ABCG5: variants seen among roughly 807,000 people sequenced by gnomAD.
ABCG5 encodes ATP-binding cassette sub-family G member 5.
ABCG5 carries 64 observed loss-of-function variants against 64.5 expected under a neutral mutation model. The ratio of observed to expected loss-of-function variants is 0.99; its 90% CI spans 0.81 to 1.22. The LOEUF (loss-of-function observed/expected upper bound fraction) is 1.22, where lower values mean the gene tolerates loss of function less well. Among genes scored for constraint, ABCG5 ranks in the 50% most tolerant of loss-of-function variants. ABCG5 has a pLI of 0.00. For missense variants in ABCG5, 908 were observed against 829.5 expected, an observed-to-expected ratio of 1.09 and a Z score of -1.16; for synonymous variants, 385 against 326.3, an observed-to-expected ratio of 1.18 and a Z score of -1.94.
chr2:43,825,162 A>T (rs1230376264), intron 6 of ABCG5, 144 bp from the exon 7 acceptor site: 2 of 991,136 alleles, frequency 2.0e-6, no homozygotes, highest in South Asian at 2.8e-5. Flanking sequence ...TCCCATAAGC[A>T]GTCAGTCCTT....
chr2:43,810,007 C>T, downstream of ABCG5: 1 of 1,126,288 alleles, frequency 8.9e-7, no homozygotes, highest in Non-Finnish European at 1.1e-6. Flanking sequence ...CTACCTACCT[C>T]TAACATGTTT....
rs752658278 is a variant in ABCG5 at position 43,824,165 on chromosome 2, G to T, written c.1119-47C>A. 4 of 1,613,934 alleles carry T rather than the reference G, an allele frequency of 2.5e-6. No homozygotes were observed. In the South Asian group the frequency reaches 3.3e-5, roughly 13 times the overall value. ...TTAATTCCTTTTCAGAATTGTTATT[G>T]GGGGATGGCTAAAGACCTCTAACAG... is the stretch of plus-strand genomic sequence containing the variant. On this transcript the variant is annotated intron_variant, in intron 8 of 12. Coordinates refer to ENST00000405322, the MANE Select transcript of ABCG5 (RefSeq NM_022436.3).
At chr2:43,809,848 T>C, downstream of ABCG5, 1 of 1,514,432 alleles carries the variant, frequency 6.6e-7, no homozygotes, top group Non-Finnish European at 8.8e-7. Context: ...ATTGTGGCAA[T>C]ATGTGAAGAA....
At position 43,825,036 on chromosome 2, in the gene ABCG5, GTAGT is replaced by G. The variant is rs1667506700; in HGVS notation, c.775-22_775-19del. The G allele has an allele frequency of 1.2e-6, 2 of 1,612,630 alleles. No homozygotes were observed. The highest frequency in any genetic ancestry group is 1.3e-5 in the African/African-American group (1 of 74,902). On this transcript the variant is annotated intron_variant, in intron 6 of 12. Coordinates refer to ENST00000405322, the MANE Select transcript of ABCG5 (RefSeq NM_022436.3). ...TCAAAGAGCTGACCAGACAACAGAC[GTAGT>G]TAGTGTGTGATCACAAGGGTAGCGA...
chr2:43,807,763 AAAAAAAAAAAG>A (rs1241491510), downstream of ABCG5, among the ~76,000 whole-genome samples: 11 of 151,258 alleles, frequency 7.3e-5, no homozygotes, highest in Non-Finnish European at 1.6e-4. Flanking sequence ...AAAAAAAAAA[AAAAAAAAAAAG>A]GTTACAGTTA....
chr2:43,824,378 T>G lies in ABCG5; in HGVS notation c.959A>C (p.Lys320Thr). 1 of 1,614,194 alleles carries G rather than the reference T, an allele frequency of 6.2e-7. No individual in the cohort carries two copies. The highest frequency in any genetic ancestry group is 1.1e-5 in the South Asian group (1 of 91,080). ...GGCAGATTCTATCATCTGGACTCTC[T>G]TGGAGGTTTCTATTTCCCGTTCCTT... Reference protein sequence around the residue: ...QSKEREIETSKRVQMIESAYK... With the variant: ...QSKEREIETSTRVQMIESAYK... The change falls in exon 8 of 13, where the codon AAG becomes ACG. Residue 320 changes from lysine (K) to threonine (T), a missense_variant. Transcript: ENST00000405322.
intron 10 of ABCG5, chr2:43,822,483 C>CCA: frequency 2.2e-6 from 2 of 906,682 alleles, no homozygotes; most frequent in Non-Finnish European, 1.3e-6. Context: ...CCCAGGCCCC[C>CCA]CCCCATGCAC....
At chr2:43,829,748 C>T (rs1203684060) in intron 4 of ABCG5, among the ~76,000 whole-genome samples, 3 of 151,988 alleles carry the variant, frequency 2.0e-5, no homozygotes, top group South Asian at 2.1e-4. Flanking sequence ...CTAATAAGGC[C>T]GTGTTATGAA....
intron 2 of ABCG5, among the ~76,000 whole-genome samples, chr2:43,834,572 A>T (rs187721996): frequency 6.0e-4 from 91 of 152,350 alleles, no homozygotes; most frequent in Middle Eastern, 3.4e-3. Context: ...TAACTCATTA[A>T]TGAGGGAACC....
downstream of ABCG5, chr2:43,809,729 T>C (rs1572729075): frequency 6.2e-7 from 1 of 1,612,068 alleles, no homozygotes; most frequent in Non-Finnish European, 8.5e-7. Flanking sequence ...CAAAAGAAGT[T>C]CTTCCAAGTC....
chr2:43,820,417 A>G (rs1435175428), intron 10 of ABCG5, among the ~76,000 whole-genome samples: 1 of 152,196 alleles, frequency 6.6e-6, no homozygotes, highest in Non-Finnish European at 1.5e-5. Flanking sequence ...GTTGAACTCT[A>G]CAGGCATCTT....
At chr2:43,825,469 GT>G (rs1016393679) in intron 6 of ABCG5, among the ~76,000 whole-genome samples, 1 of 152,136 alleles carries the variant, frequency 6.6e-6, no homozygotes, top group Admixed American at 6.5e-5. Flanking sequence ...GAGAAAGTGA[GT>G]TTTTTTGGAA....
chr2:43,806,718 G>A, the ABCG5 span, among the ~76,000 whole-genome samples: 3 of 152,210 alleles, frequency 2.0e-5, no homozygotes, highest in Non-Finnish European at 4.4e-5. Flanking sequence ...TAAAGGATTA[G>A]GGTATTTGTG....
At chr2:43,832,147 G>A in intron 2 of ABCG5, 64 bp from the exon 3 acceptor site, 1 of 1,550,648 alleles carries the variant, frequency 6.4e-7, no homozygotes, top group Non-Finnish European at 8.7e-7. Flanking sequence ...GGAGCTTCCC[G>A]AGACCCTCTG....
downstream of ABCG5, chr2:43,809,591 A>G (rs964723440): frequency 2.8e-6 from 2 of 705,564 alleles, no homozygotes; most frequent in Non-Finnish European, 4.9e-6. Flanking sequence ...ATTTAGAATG[A>G]TAATGCTACT....
downstream of ABCG5, among the ~76,000 whole-genome samples, chr2:43,808,736 A>G (rs1244925632): frequency 1.3e-5 from 2 of 152,168 alleles, no homozygotes; most frequent in African/African-American, 2.4e-5. Flanking sequence ...TGCTTTTTTC[A>G]TGTGGCACAC....
At chr2:43,829,097 C>T (rs1169524626) in intron 4 of ABCG5, among the ~76,000 whole-genome samples, 1 of 152,202 alleles carries the variant, frequency 6.6e-6, no homozygotes, top group Admixed American at 6.5e-5. Flanking sequence ...TTTGCAGGAG[C>T]CATAGTCACT....
chr2:43,835,878 C>T lies in ABCG5; in HGVS notation c.265+1956G>A, dbSNP rs371159674. ...GAAAAAAATTTCTGCTTTTTATAAG[C>T]CACCCAGTCTATGGTATTTTGTTGT... On this transcript the variant is annotated intron_variant, in intron 2 of 12. Coordinates refer to ENST00000405322, the MANE Select transcript of ABCG5 (RefSeq NM_022436.3). Among the ~76,000 whole-genome samples the T allele has an allele frequency of 3.6e-4, 55 of 152,220 alleles. No homozygotes were observed. The South Asian group carries it at 0.011, about 31-fold the overall frequency.
intron 4 of ABCG5, among the ~76,000 whole-genome samples, chr2:43,831,371 CT>C (rs1667937311): frequency 6.6e-6 from 1 of 152,176 alleles, no homozygotes; most frequent in East Asian, 1.9e-4. Flanking sequence ...CTGAGTCTCG[CT>C]ATGTTGCCCA....
Sources: gnomAD v4.1 joint callset for allele counts (sites outside exome capture counted in the v4.1 genomes callset) on GRCh38, gnomAD v4.1.1 for gene constraint, MANE v1.5 for transcripts, NCBI Gene and HGNC (gene_info 2026-07-23, HGNC 2026-07-21) for gene names.